Variants in SAMMSON observed in about 807,000 individuals in gnomAD.
The protein encoded by SAMMSON is survival associated mitochondrial melanoma specific oncogenic non-coding RNA, also known as long intergenic non-protein coding RNA 1212.
chr3:70,379,228 G>T (rs1669612555), intron 9 of SAMMSON, among the ~76,000 whole-genome samples: 1 of 152,034 alleles, frequency 6.6e-6, no homozygotes, highest in African/African-American at 2.4e-5. Flanking sequence ...TGGCCAGGCT[G>T]GTCTCAAGCG....
chr3:70,393,467 G>T (rs1301896817), downstream of SAMMSON, among the ~76,000 whole-genome samples: 1 of 152,140 alleles, frequency 6.6e-6, no homozygotes, highest in African/African-American at 2.4e-5. Flanking sequence ...CGAGTGGTTT[G>T]GGTGCTCTTA....
chr3:70,432,619 T>A (rs1374500137), intron 2 of SAMMSON, among the ~76,000 whole-genome samples: 1 of 152,074 alleles, frequency 6.6e-6, no homozygotes, highest in African/African-American at 2.4e-5. Context: ...TGTGTTAGTA[T>A]GGTCCATTTG....
chr3:70,166,449 G>C (rs1165346628), intron 4 of SAMMSON, among the ~76,000 whole-genome samples: 1 of 151,020 alleles, frequency 6.6e-6, no homozygotes, highest in African/African-American at 2.4e-5. Flanking sequence ...TCTAGAAGAG[G>C]TGTTCTTGAA....
intron 3 of SAMMSON, among the ~76,000 whole-genome samples, chr3:70,038,252 T>G (rs1374598863): frequency 6.6e-6 from 1 of 152,150 alleles, no homozygotes; most frequent in African/African-American, 2.4e-5. Context: ...GAATGCCCTT[T>G]GTTGTGGGTG....
At chr3:70,333,768 C>A (rs939243711) in intron 7 of SAMMSON, among the ~76,000 whole-genome samples, 3 of 152,288 alleles carry the variant, frequency 2.0e-5, no homozygotes, top group African/African-American at 7.2e-5. Flanking sequence ...CTGCTTAAAC[C>A]CCTTTAACAG....
At chr3:70,082,090 A>G (rs2067269796) in intron 4 of SAMMSON, among the ~76,000 whole-genome samples, 1 of 152,126 alleles carries the variant, frequency 6.6e-6, no homozygotes, top group South Asian at 2.1e-4. Flanking sequence ...AAATCAGTTG[A>G]TGTTGAAGAT....
At chr3:70,002,614 C>G (rs999106407) in intron 1 of SAMMSON, among the ~76,000 whole-genome samples, 1 of 152,152 alleles carries the variant, frequency 6.6e-6, no homozygotes, top group Admixed American at 6.5e-5. Context: ...TCTGTCATAG[C>G]TGGAAGTAGA....
In SAMMSON at chr3:70,359,272, A is replaced by G. The variant is rs183163040; in HGVS notation, n.913+948A>G. Among the ~76,000 whole-genome samples, 12 of 152,274 alleles carry G rather than the reference A, an allele frequency of 7.9e-5. No individual in the cohort carries two copies. In the East Asian group the frequency reaches 2.3e-3, roughly 29 times the overall value. ...CTTTTCAAGACGTAGTATGTGAAGA[A>G]GCCCAAGTACTCAAGAATAGAAATA... is the stretch of plus-strand genomic sequence containing the variant. On this transcript the variant is annotated intron_variant and non_coding_transcript_variant, in intron 9 of 9. Coordinates refer to ENST00000642114, the Ensembl canonical transcript of SAMMSON.
At chr3:70,261,372 T>G (rs1413053647) in intron 6 of SAMMSON, among the ~76,000 whole-genome samples, 1 of 152,220 alleles carries the variant, frequency 6.6e-6, no homozygotes, top group Non-Finnish European at 1.5e-5. Flanking sequence ...GATGTGAACA[T>G]GCATATGTTT....
At chr3:70,073,360 T>C (rs1040832939) in intron 4 of SAMMSON, among the ~76,000 whole-genome samples, 3 of 152,030 alleles carry the variant, frequency 2.0e-5, no homozygotes, top group Non-Finnish European at 2.9e-5. Context: ...GAAAATATAT[T>C]GTTGTATTTT....
intron 4 of SAMMSON, among the ~76,000 whole-genome samples, chr3:70,191,976 A>G (rs1475613996): frequency 1.4e-5 from 2 of 142,850 alleles, no homozygotes; most frequent in African/African-American, 5.7e-5. Flanking sequence ...AATATTTTCT[A>G]TATGATATTT....
intron 4 of SAMMSON, among the ~76,000 whole-genome samples, chr3:70,107,465 A>G (rs2067371160): frequency 6.6e-6 from 1 of 152,174 alleles, no homozygotes; most frequent in Admixed American, 6.5e-5. Flanking sequence ...TAACCCTAGA[A>G]AGGAAAGTTG....
At chr3:70,289,221 C>T (rs1426474686) in intron 6 of SAMMSON, among the ~76,000 whole-genome samples, 36 of 149,278 alleles carry the variant, frequency 2.4e-4, no homozygotes, top group Middle Eastern at 3.4e-3. Context: ...CCATGTTTAG[C>T]GCTTCCTTCA....
At chr3:70,010,638 G>A (rs1368078327) in intron 1 of SAMMSON, among the ~76,000 whole-genome samples, 1 of 152,062 alleles carries the variant, frequency 6.6e-6, no homozygotes, top group Non-Finnish European at 1.5e-5. Flanking sequence ...GGAGTAATTG[G>A]CTCCAGAGTG....
intron 6 of SAMMSON, among the ~76,000 whole-genome samples, chr3:70,290,796 G>C (rs556307339): frequency 6.6e-6 from 1 of 152,184 alleles, no homozygotes; most frequent in Non-Finnish European, 1.5e-5. Flanking sequence ...GAAAAGCGCA[G>C]TATTCGGGTG....
At chr3:70,082,565 T>C (rs978250246) in intron 4 of SAMMSON, among the ~76,000 whole-genome samples, 1 of 152,190 alleles carries the variant, frequency 6.6e-6, no homozygotes, top group Non-Finnish European at 1.5e-5. Flanking sequence ...TTTCTGCTCC[T>C]TTTCTTGCTT....
chr3:70,086,790 G>A (rs2067286911), intron 4 of SAMMSON, among the ~76,000 whole-genome samples: 1 of 152,200 alleles, frequency 6.6e-6, no homozygotes, highest in Non-Finnish European at 1.5e-5. Context: ...TCCAACAGCA[G>A]AGTTAACATG....
At chr3:70,300,781 A>C (rs1221652520) in intron 7 of SAMMSON, among the ~76,000 whole-genome samples, 1 of 152,100 alleles carries the variant, frequency 6.6e-6, no homozygotes, top group Non-Finnish European at 1.5e-5. Context: ...TTCAGTGGCC[A>C]GTGAGTTGCT....
intron 4 of SAMMSON, chr3:70,172,340 T>C (rs1300748169): frequency 1.3e-5 from 2 of 151,198 alleles, no homozygotes; most frequent in Admixed American, 6.6e-5. Flanking sequence ...TGCGTCATGC[T>C]AGAAAGAGTT....
Sources: gnomAD v4.1 joint callset for allele counts (sites outside exome capture counted in the v4.1 genomes callset) on GRCh38, gnomAD v4.1.1 for gene constraint, MANE v1.5 for transcripts, NCBI Gene and HGNC (gene_info 2026-07-23, HGNC 2026-07-21) for gene names.